Variants in MXRA5 observed in about 807,000 individuals in gnomAD.
The protein encoded by MXRA5 is matrix-remodeling-associated protein 5.
In MXRA5, 41 loss-of-function variants were observed where a neutral mutation model predicts 112.5. The ratio of observed to expected loss-of-function variants is 0.36; its 90% CI spans 0.28 to 0.47. The LOEUF (loss-of-function observed/expected upper bound fraction) is 0.47, where lower values mean the gene tolerates loss of function less well. MXRA5 is among the 20% of genes least tolerant of loss of function. The pLI is 0.99. For synonymous variants in MXRA5, 862 were observed against 900.8 expected (o/e 0.96, Z 0.77); for missense variants, 2,150 against 2,251.0 (o/e 0.96, Z 0.91).
intron 2 of MXRA5, among the ~76,000 whole-genome samples, chrX:3,340,352 C>T (rs1256666375): frequency 9.0e-6 from 1 of 111,506 alleles, no homozygotes; most frequent in Non-Finnish European, 1.9e-5. Flanking sequence ...TTTTCCCCAA[C>T]AAAATGCAAG....
In MXRA5 at chrX:3,324,659, C is replaced by A. The variant is rs1921411755; in HGVS notation, c.1026G>T (p.Val342=). 8.3e-7 allele frequency: 1 copy of A among 1,208,995 alleles called. No homozygotes were observed. The highest frequency in any genetic ancestry group is 1.1e-6 in the Non-Finnish European group (1 of 894,422). Residue 342 remains valine, a synonymous_variant, in exon 5 of 7, where the codon GTG becomes GTT. Coordinates refer to ENST00000217939, the MANE Select transcript of MXRA5 (RefSeq NM_015419.4). ...CCGTTTGGTTCAAGTGAATCTTGTA[C>A]ACATCCATTGGTTTCTTGATGTCAC... ...LVCDIKKPMD[V]YKIHLNQTDP... is the part of the protein sequence containing the mutation.
Position 3,311,557 on chromosome X carries a change from C to A in MXRA5, c.6646G>T (p.Ala2216Ser), listed in dbSNP as rs149307221. 3 of 1,210,424 alleles carry A rather than the reference C, an allele frequency of 2.5e-6. No individual in the cohort carries two copies. The highest frequency in any genetic ancestry group is 2.3e-4 in the Middle Eastern group (1 of 4,376). ...CGAGCTACGCACAGGTAATCTCCGG[C>A]ATCTTTGTCCGTCACTGATTTCACC... The part of the protein sequence containing the change: ...LVVKSVTDKD[A>S]GDYLCVARNK... The change falls in exon 7 of 7, where the codon GCC becomes TCC. Residue 2216 changes from alanine to serine, a missense_variant. Transcript: ENST00000217939.
At chrX:3,338,386 T>TAGAC (rs757825562) in intron 2 of MXRA5, among the ~76,000 whole-genome samples, 2 of 110,384 alleles carry the variant, frequency 1.8e-5, no homozygotes, top group South Asian at 3.8e-4. Context: ...GATAGATAGA[T>TAGAC]AGACAGATAG....
At chrX:3,335,173 A>G (rs1467407048) in intron 2 of MXRA5, among the ~76,000 whole-genome samples, 1 of 110,872 alleles carries the variant, frequency 9.0e-6, no homozygotes, top group Non-Finnish European at 1.9e-5. Context: ...GCCATTTTTT[A>G]TTTTTTATTT....
intron 6 of MXRA5, among the ~76,000 whole-genome samples, chrX:3,314,720 A>G (rs1323319544): frequency 9.0e-6 from 1 of 110,777 alleles, no homozygotes; most frequent in Non-Finnish European, 1.9e-5. Flanking sequence ...TGTCCTGTGC[A>G]CTGTAGGGTG....
chrX:3,329,805 G>A (rs910914195), intron 4 of MXRA5, among the ~76,000 whole-genome samples: 4 of 111,770 alleles, frequency 3.6e-5, no homozygotes, highest in Non-Finnish European at 7.5e-5. Flanking sequence ...TTCACTAAGG[G>A]ATAACTGCCT....
intron 2 of MXRA5, among the ~76,000 whole-genome samples, chrX:3,342,745 T>C (rs149295227): frequency 2.6e-3 from 289 of 112,602 alleles, no homozygotes; most frequent in African/African-American, 8.9e-3. Flanking sequence ...CCACTGTCGA[T>C]AGAGAAATTT....
chrX:3,343,858 A>G lies in MXRA5; in HGVS notation c.-25T>C. On this transcript the variant is annotated 5_prime_UTR_variant, in exon 2 of 7. Transcript: ENST00000217939. ...TCTTGTCGGGGTGCCTGATTCTCGG[A>G]TACCTGAGGTAGAACAACGAAGAGA... 8.4e-7 allele frequency: 1 copy of G among 1,188,147 alleles called. No homozygotes were observed. The highest frequency in any genetic ancestry group is 1.1e-6 in the Non-Finnish European group (1 of 880,016).
chrX:3,319,689 C>A (rs1921243420), intron 5 of MXRA5, among the ~76,000 whole-genome samples: 1 of 111,433 alleles, frequency 9.0e-6, no homozygotes, highest in Non-Finnish European at 1.9e-5. Flanking sequence ...GGAGGGGTGG[C>A]AAGGGTTGAA....
Position 3,322,974 on chromosome X carries a change from T to C in MXRA5, c.2711A>G (p.Asp904Gly). ...KTEEITSTEG[D>G]LKGTAAPTLI... The stretch of plus-strand genomic sequence containing the variant: ...TGTAGGGGCTGCTGTCCCCTTCAGG[T>C]CTCCTTCAGTGGAAGTTATCTCCTC... The change falls in exon 5 of 7, where the codon GAC becomes GGC. Residue 904 changes from aspartate (D) to glycine (G), a missense_variant. Asp to Gly is a moderately conservative substitution (Grantham distance 94). Coordinates refer to ENST00000217939, the MANE Select transcript of MXRA5 (RefSeq NM_015419.4). 8.3e-7 allele frequency: 1 copy of C among 1,211,343 alleles called. No homozygotes were observed. Among genetic ancestry groups the C allele is most frequent in the Non-Finnish European group, 1.1e-6 (1 of 895,387 alleles).
At position 3,325,036 on chromosome X, in the gene MXRA5, A is replaced by G. The variant is rs12557574; in HGVS notation, c.710-61T>C. On this transcript the variant is annotated intron_variant, in intron 4 of 6. Transcript: ENST00000217939. ...AGCCAAAGAATGGCATGCCTTGCAC[A>G]TGGCCAGAGGATAAAGCCTATGTTT... 5.5e-3 allele frequency: 6,027 copies of G among 1,090,351 alleles called. 12 individuals are homozygous for G. The highest frequency in any genetic ancestry group is 7.7e-3 in the Middle Eastern group (21 of 2,739). The allele number at this position is 1,090,351 out of a possible 1,213,427, so 89.9% of individuals were successfully genotyped here.
Position 3,343,650 on chromosome X carries a change from A to G in MXRA5, c.184T>C (p.Leu62=). 5.0e-6 allele frequency: 6 copies of G among 1,210,395 alleles called. No homozygotes were observed. Among genetic ancestry groups the G allele is most frequent in the Non-Finnish European group, 6.7e-6 (6 of 894,540 alleles). ...CGGGAAGAAAGTGGTACAAACCCCA[A>G]ATTGATTCTTTCCACGTGTTTAGCA... is the stretch of plus-strand genomic sequence containing the variant. ...GIAKHVERIN[L]GFNSIQALSE... The change falls in exon 2 of 7, where the codon TTG becomes CTG. Residue 62 remains leucine (L), a synonymous_variant. Transcript: ENST00000217939.
chrX:3,312,991 C>T (rs1735832188), intron 6 of MXRA5, among the ~76,000 whole-genome samples: 1 of 112,456 alleles, frequency 8.9e-6, no homozygotes, highest in Non-Finnish European at 1.9e-5. Flanking sequence ...TGACCATATA[C>T]ACTGTTTTGT....
chrX:3,318,046 C>G, intron 5 of MXRA5, 43 bp from the exon 6 acceptor site: 1 of 1,071,085 alleles, frequency 9.3e-7, no homozygotes, highest in East Asian at 3.1e-5. Flanking sequence ...AAACTGTGCC[C>G]TTTTGATAAT....
chrX:3,344,867 C>T (rs1922070022), intron 1 of MXRA5, among the ~76,000 whole-genome samples: 2 of 111,405 alleles, frequency 1.8e-5, no homozygotes, highest in African/African-American at 6.5e-5. Flanking sequence ...TCATCCAACA[C>T]TTTGGGAGGC....
Position 3,317,252 on chromosome X carries a change from T to C in MXRA5, c.6429A>G (p.Ala2143=), listed in dbSNP as rs759912549. Residue 2143 remains alanine, a synonymous_variant, in exon 6 of 7, where the codon GCA becomes GCG. Coordinates refer to ENST00000217939, the MANE Select transcript of MXRA5 (RefSeq NM_015419.4). ...RTVQLNVQRA[A]ANARITGTSP... ...AGGTGCCCGTGATGCGCGCGTTGGC[T>C]GCTGCACGCTGCACGTTCAGCTGCA... 8.3e-7 allele frequency: 1 copy of C among 1,210,465 alleles called. No homozygotes were observed. Among genetic ancestry groups the C allele is most frequent in the East Asian group, 3.0e-5 (1 of 33,807 alleles).
rs1475267251 is a variant in MXRA5, at chrX:3,308,875, C to G, written c.*841G>C. 4.5e-5 allele frequency: 5 copies of G among 111,748 alleles called. No individual in the cohort carries two copies. The highest frequency in any genetic ancestry group is 7.5e-5 in the Non-Finnish European group (4 of 53,237). 9.2% of individuals were successfully genotyped at this position (111,748 alleles called of 1,213,427 possible). The stretch of plus-strand genomic sequence containing the variant: ...CATACAAGGAAATCTAATATCGCAG[C>G]CTTCCCCACTGGAGGGTTCCTGGAG... On this transcript the variant is annotated 3_prime_UTR_variant, in exon 7 of 7. Coordinates refer to ENST00000217939, the MANE Select transcript of MXRA5 (RefSeq NM_015419.4).
In MXRA5 at chrX:3,335,800, G is replaced by A. The variant is rs556902662; in HGVS notation, c.189-5027C>T. Among the ~76,000 whole-genome samples, 14 of 112,567 alleles carry A rather than the reference G, an allele frequency of 1.2e-4. No individual in the cohort carries two copies. The South Asian group carries it at 4.8e-3, about 39-fold the overall frequency. On this transcript the variant is annotated intron_variant, in intron 2 of 6. Coordinates refer to ENST00000217939, the MANE Select transcript of MXRA5 (RefSeq NM_015419.4). ...TGATTTTCTGCAAAATCACTATGCA[G>A]TGGCAGTAATCATTGCTCAAGATGC...
At chrX:3,339,623 C>T (rs1016467266) in intron 2 of MXRA5, among the ~76,000 whole-genome samples, 8 of 111,232 alleles carry the variant, frequency 7.2e-5, no homozygotes, top group African/African-American at 2.6e-4. Context: ...GCCAAGGGTG[C>T]CAGATGTGAG....
Sources: gnomAD v4.1 joint callset for allele counts (sites outside exome capture counted in the v4.1 genomes callset) on GRCh38, gnomAD v4.1.1 for gene constraint, MANE v1.5 for transcripts, NCBI Gene and HGNC (gene_info 2026-07-23, HGNC 2026-07-21) for gene names.